The following PRKG1 variants were observed in gnomAD, a reference collection of about 807,000 sequenced individuals.
The protein encoded by PRKG1 is protein kinase cGMP-dependent 1.
Under a neutral mutation model 88.1 loss-of-function variants are expected in PRKG1, and 35 were observed. The observed-to-expected ratio is 0.40, with a 90% confidence interval of 0.30 to 0.53. The LOEUF is 0.53. PRKG1 is among the 20% of genes least tolerant of loss of function. PRKG1 has a pLI of 0.59. For synonymous variants in PRKG1, 303 were observed against 292.5 expected, an observed-to-expected ratio of 1.04 and a Z score of -0.37; for missense variants, 540 against 839.8, an observed-to-expected ratio of 0.64 and a Z score of 4.41.
At chr10:51,270,418 A>C (rs1044277056) in intron 2 of PRKG1, among the ~76,000 whole-genome samples, 2 of 152,142 alleles carry the variant, frequency 1.3e-5, no homozygotes, top group African/African-American at 4.8e-5. Flanking sequence ...TGGACATCTT[A>C]TGCCTTCAAA....
chr10:51,862,283 C>T (rs1034801870), intron 4 of PRKG1, among the ~76,000 whole-genome samples: 2 of 152,140 alleles, frequency 1.3e-5, no homozygotes, highest in African/African-American at 2.4e-5. Flanking sequence ...GCTCAGTAAA[C>T]GGGAGCTTGT....
chr10:51,959,911 C>T (rs916019884), intron 5 of PRKG1, among the ~76,000 whole-genome samples: 1 of 152,034 alleles, frequency 6.6e-6, no homozygotes, highest in African/African-American at 2.4e-5. Flanking sequence ...TACTTTGTTT[C>T]ACATTAAGTA....
chr10:51,690,265 C>T (rs1208748980), intron 3 of PRKG1, among the ~76,000 whole-genome samples: 1 of 152,086 alleles, frequency 6.6e-6, no homozygotes, highest in Non-Finnish European at 1.5e-5. Context: ...CCAATCACCT[C>T]CCACAAGGCC....
chr10:52,142,352 G>T (rs1589644527), intron 8 of PRKG1, among the ~76,000 whole-genome samples: 1 of 152,072 alleles, frequency 6.6e-6, no homozygotes, highest in East Asian at 1.9e-4. Context: ...TGGGTTTTAT[G>T]CTCAGTGCTA....
At chr10:51,236,509 T>C (rs1838993023) in intron 2 of PRKG1, among the ~76,000 whole-genome samples, 1 of 123,734 alleles carries the variant, frequency 8.1e-6, no homozygotes, top group South Asian at 2.3e-4. Flanking sequence ...AACCAGGTTC[T>C]TTTTTTTTTT....
chr10:51,592,964 C>T (rs963035659), intron 3 of PRKG1, among the ~76,000 whole-genome samples: 3 of 152,152 alleles, frequency 2.0e-5, no homozygotes, highest in Non-Finnish European at 4.4e-5. Context: ...CTTTGTTCCT[C>T]ATTTAATCAT....
intron 3 of PRKG1, among the ~76,000 whole-genome samples, chr10:51,775,069 A>G (rs1330586980): frequency 6.6e-6 from 1 of 152,148 alleles, no homozygotes. Flanking sequence ...ATTTGTTTCA[A>G]AAGAGTATGG....
intron 1 of PRKG1, among the ~76,000 whole-genome samples, chr10:51,145,460 C>T (rs376477620): frequency 1.5e-4 from 23 of 152,152 alleles, no homozygotes; most frequent in African/African-American, 4.6e-4. Context: ...TAATGAAATG[C>T]GTACGGTCTT....
chr10:51,367,647 T>C (rs1842617989), intron 2 of PRKG1, among the ~76,000 whole-genome samples: 1 of 151,932 alleles, frequency 6.6e-6, no homozygotes, highest in African/African-American at 2.4e-5. Flanking sequence ...AATTTCTCTA[T>C]TCCATCTAAA....
intron 9 of PRKG1, among the ~76,000 whole-genome samples, chr10:52,186,304 C>T (rs542725760): frequency 3.9e-5 from 6 of 152,190 alleles, no homozygotes; most frequent in Non-Finnish European, 8.8e-5. Flanking sequence ...GCATCCCAGA[C>T]TTTTAAACAA....
In PRKG1 at chr10:51,640,652, G is replaced by A. The variant is rs12267065; in HGVS notation, c.593-163933G>A. Among the ~76,000 whole-genome samples, 1,062 of 152,206 alleles carry A rather than the reference G, an allele frequency of 7.0e-3. 18 individuals are homozygous for A. Among genetic ancestry groups the A allele is most frequent in the African/African-American group, 0.024 (1,007 of 41,548 alleles). On this transcript the variant is annotated intron_variant, in intron 3 of 17. Transcript: ENST00000373980. ...AAAACCATCTGACTACATTTTTAGG[G>A]TGTCTCTGGAGATTTAAGGCTGAGA...
At chr10:51,797,040 A>G (rs1839029883) in intron 3 of PRKG1, among the ~76,000 whole-genome samples, 3 of 151,992 alleles carry the variant, frequency 2.0e-5, no homozygotes, top group South Asian at 2.1e-4. Flanking sequence ...AGGACCTATT[A>G]TGAACAAAGG....
At chr10:52,024,325 T>TTC (rs1845273278) in intron 5 of PRKG1, among the ~76,000 whole-genome samples, 1 of 150,360 alleles carries the variant, frequency 6.7e-6, no homozygotes, top group African/African-American at 2.5e-5. Context: ...AACTTTTTTT[T>TTC]TTATTCTTTT....
intron 2 of PRKG1, among the ~76,000 whole-genome samples, chr10:51,332,256 G>A (rs1171794395): frequency 6.6e-6 from 1 of 152,174 alleles, no homozygotes; most frequent in Non-Finnish European, 1.5e-5. Flanking sequence ...TAGGTAGAAT[G>A]AGGTCCTAAT....
At chr10:51,032,559 G>A (rs1223041450) in intron 1 of PRKG1, among the ~76,000 whole-genome samples, 1 of 152,092 alleles carries the variant, frequency 6.6e-6, no homozygotes, top group Non-Finnish European at 1.5e-5. Flanking sequence ...AGGAGTTCGA[G>A]ACCATCCTGG....
intron 3 of PRKG1, among the ~76,000 whole-genome samples, chr10:51,706,937 G>A (rs890240857): frequency 6.6e-6 from 1 of 152,030 alleles, no homozygotes; most frequent in Non-Finnish European, 1.5e-5. Flanking sequence ...AGATGAAGTA[G>A]CATCTTATGT....
intron 3 of PRKG1, among the ~76,000 whole-genome samples, chr10:51,578,374 A>G (rs957075640): frequency 6.6e-6 from 1 of 152,134 alleles, no homozygotes; most frequent in African/African-American, 2.4e-5. Flanking sequence ...TCTAAAGATA[A>G]TCATTTTTCC....
intron 2 of PRKG1, among the ~76,000 whole-genome samples, chr10:51,277,350 T>C (rs1840151595): frequency 6.6e-6 from 1 of 152,204 alleles, no homozygotes; most frequent in East Asian, 1.9e-4. Flanking sequence ...TACCATGCTG[T>C]TTTGGTTACT....
At chr10:51,882,656 CA>C (rs1841466424) in intron 4 of PRKG1, among the ~76,000 whole-genome samples, 1 of 152,232 alleles carries the variant, frequency 6.6e-6, no homozygotes, top group Admixed American at 6.5e-5. Flanking sequence ...TGGCAGTTAC[CA>C]GGCAGTCTTC....
Sources: gnomAD v4.1 joint callset for allele counts (sites outside exome capture counted in the v4.1 genomes callset) on GRCh38, gnomAD v4.1.1 for gene constraint, MANE v1.5 for transcripts, NCBI Gene and HGNC (gene_info 2026-07-23, HGNC 2026-07-21) for gene names.